The following RYR2 variants were observed in gnomAD, a reference collection of about 807,000 sequenced individuals.
RYR2 encodes the protein cardiac muscle ryanodine receptor-calcium release channel.
In RYR2, 227 loss-of-function variants were observed where a neutral mutation model predicts 601.1. That is an observed-to-expected ratio of 0.38 (90% CI 0.34 to 0.42). The LOEUF is 0.42. Ranked by LOEUF, RYR2 falls within the 10% of genes least tolerant of loss-of-function variation. The pLI is 1.00. For synonymous variants in RYR2, 2,223 were observed against 2,175.1 expected, an observed-to-expected ratio of 1.02 and a Z score of -0.61; for missense variants, 4,646 against 6,156.5, an observed-to-expected ratio of 0.75 and a Z score of 8.21.
At chr1:237,507,346 TTACAACTTAA>T (rs1344310077) in intron 23 of RYR2, among the ~76,000 whole-genome samples, 2 of 152,188 alleles carry the variant, frequency 1.3e-5, no homozygotes, top group African/African-American at 4.8e-5. Context: ...AGAGCTTAGT[TTACAACTTAA>T]TACAATTTAG....
intron 1 of RYR2, among the ~76,000 whole-genome samples, chr1:237,152,976 T>C (rs935366068): frequency 6.6e-6 from 1 of 152,080 alleles, no homozygotes; most frequent in African/African-American, 2.4e-5. Flanking sequence ...GAAAACCCCA[T>C]CAAAAAGTGG....
rs1553332386 is a variant in RYR2, at chr1:237,180,600, A to ATATATATG, written c.49-89875_49-89868dup. Among the ~76,000 whole-genome samples, 31 of 123,858 alleles carry ATATATATG rather than the reference A, an allele frequency of 2.5e-4. No homozygotes were observed. The highest frequency in any genetic ancestry group is 5.6e-4 in the South Asian group (2 of 3,578). The allele number at this position is 123,858 out of a possible 152,430, so 81.3% of individuals were successfully genotyped here. Reference sequence around the variant, plus strand: ...TGTGTGTATATATGTATATATAAGTATATATATGTATATATGTATATATGT... The same window carrying ATATATATG: ...TGTGTGTATATATGTATATATAAGTATATATATGTATATATGTATATATGTATATATGT... On this transcript the variant is annotated intron_variant, in intron 1 of 104. Coordinates refer to ENST00000366574, the MANE Select transcript of RYR2 (RefSeq NM_001035.3). The surrounding 1 kb of genome is among the most constrained non-coding windows in gnomAD (Gnocchi z 5.3).
intron 88 of RYR2, among the ~76,000 whole-genome samples, chr1:237,779,483 G>T (rs1201461387): frequency 3.9e-5 from 6 of 152,168 alleles, no homozygotes; most frequent in Admixed American, 3.9e-4. Context: ...CAGGCGGTCA[G>T]GTAGAAGAAT....
At chr1:237,500,948 C>A in intron 21 of RYR2, 45 bp downstream of exon 21, 2 of 1,540,422 alleles carry the variant, frequency 1.3e-6, no homozygotes, top group South Asian at 1.1e-5. Context: ...TCTCATTTCT[C>A]ATACCTCCAC....
At chr1:237,664,602 A>C (rs1684123465) in intron 56 of RYR2, among the ~76,000 whole-genome samples, 1 of 152,170 alleles carries the variant, frequency 6.6e-6, no homozygotes. Flanking sequence ...CCACAAGAAC[A>C]GTATGGAGGA....
chr1:237,688,701 T>C lies in RYR2; in HGVS notation c.9067+1197T>C, dbSNP rs138450558. On this transcript the variant is annotated intron_variant, in intron 63 of 104. Transcript: ENST00000366574. Reference sequence around the variant, plus strand: ...ACTTCTCTTCAACAGAGAAATATTTTCATGGGCTTATTCAGGCAGGATTTT... The same window carrying C: ...ACTTCTCTTCAACAGAGAAATATTTCCATGGGCTTATTCAGGCAGGATTTT... Among the ~76,000 whole-genome samples, 880 of 152,298 alleles carry C rather than the reference T, an allele frequency of 5.8e-3. 15 individuals are homozygous for C. The highest frequency in any genetic ancestry group is 0.035 in the Admixed American group (533 of 15,290).
chr1:237,663,323 A>G (rs1341219683), intron 56 of RYR2, among the ~76,000 whole-genome samples: 1 of 152,214 alleles, frequency 6.6e-6, no homozygotes, highest in Non-Finnish European at 1.5e-5. Flanking sequence ...TCTATCATGT[A>G]TAAACTCTTC....
At chr1:237,354,000 C>A (rs1699083613) in intron 3 of RYR2, among the ~76,000 whole-genome samples, 1 of 152,148 alleles carries the variant, frequency 6.6e-6, no homozygotes, top group South Asian at 2.1e-4. Flanking sequence ...TTCTTGTCAA[C>A]AAGAACAAGA....
At chr1:237,090,396 G>A (rs1053873222) in intron 1 of RYR2, among the ~76,000 whole-genome samples, 17 of 152,258 alleles carry the variant, frequency 1.1e-4, no homozygotes, top group African/African-American at 4.1e-4. Flanking sequence ...GATTACATGA[G>A]GGAGGCAGGG....
At chr1:237,766,498 G>A (rs141915718) in intron 84 of RYR2, among the ~76,000 whole-genome samples, 2 of 152,126 alleles carry the variant, frequency 1.3e-5, no homozygotes, top group Non-Finnish European at 2.9e-5. Flanking sequence ...CACAGTTAAA[G>A]AAATCCATCT....
intron 12 of RYR2, among the ~76,000 whole-genome samples, chr1:237,427,891 G>A (rs949915755): frequency 1.3e-5 from 2 of 150,798 alleles, no homozygotes; most frequent in Admixed American, 1.3e-4. Context: ...GATATTGCAT[G>A]GTATTGAAGA....
At chr1:237,246,065 C>T (rs775141175) in intron 1 of RYR2, among the ~76,000 whole-genome samples, 1 of 151,694 alleles carries the variant, frequency 6.6e-6, no homozygotes, top group Non-Finnish European at 1.5e-5. Flanking sequence ...CAGGCGTGAG[C>T]CACCACACCT....
At chr1:237,422,346 C>G (rs573545585) in intron 11 of RYR2, among the ~76,000 whole-genome samples, 80 of 152,158 alleles carry the variant, frequency 5.3e-4, no homozygotes, top group African/African-American at 1.8e-3. Context: ...TCATCTCAAA[C>G]GTTTATCATT....
chr1:237,099,178 G>A (rs1371618045), intron 1 of RYR2, among the ~76,000 whole-genome samples: 1 of 151,954 alleles, frequency 6.6e-6, no homozygotes, highest in Non-Finnish European at 1.5e-5. Flanking sequence ...CAGCTGGTCA[G>A]CAGAGGTTGC....
At chr1:237,188,619 G>A (rs994685873) in intron 1 of RYR2, among the ~76,000 whole-genome samples, 1 of 151,994 alleles carries the variant, frequency 6.6e-6, no homozygotes, top group African/African-American at 2.4e-5. Flanking sequence ...AGGCTGGAGT[G>A]CAGTGGCACG....
intron 3 of RYR2, among the ~76,000 whole-genome samples, chr1:237,354,007 A>G (rs983859445): frequency 1.3e-5 from 2 of 152,204 alleles, no homozygotes; most frequent in African/African-American, 2.4e-5. Flanking sequence ...CAACAAGAAC[A>G]AGAGACGTGT....
At position 237,792,140 on chromosome 1, in the gene RYR2, C is replaced by T; in HGVS notation, c.13599C>T (p.Leu4533=). The change falls in exon 94 of 105, where the codon CTC becomes CTT. Residue 4533 remains leucine, a synonymous_variant. Transcript: ENST00000366574. ...STSSVVEGKE[L]PTRSSSENAK... ...CTTCTGTGGTTGAAGGAAAGGAGCT[C>T]CCCACGAGAAGTTCAAGTGAAAATG... The T allele has an allele frequency of 6.2e-7, 1 of 1,606,688 alleles. No homozygotes were observed. The highest frequency in any genetic ancestry group is 8.5e-7 in the Non-Finnish European group (1 of 1,176,500).
chr1:237,468,152 C>T (rs550820106), intron 16 of RYR2, among the ~76,000 whole-genome samples: 3 of 152,284 alleles, frequency 2.0e-5, no homozygotes, highest in Non-Finnish European at 4.4e-5. Context: ...GCCACCACCC[C>T]TGGCCTACCA....
Position 237,638,119 on chromosome 1 carries a change from T to C in RYR2, c.6793-238T>C, listed in dbSNP as rs184623454. Among the ~76,000 whole-genome samples the C allele has an allele frequency of 1.7e-3, 256 of 149,464 alleles. 1 individual carries two copies. Among genetic ancestry groups the C allele is most frequent in the African/African-American group, 5.4e-3 (218 of 40,526 alleles). ...AGAGAGAGCTGAAAAAAAAAAAGCT[T>C]ATAGTAGGATCATAAATATTTTTAT... On this transcript the variant is annotated intron_variant, in intron 44 of 104. Transcript: ENST00000366574.
Sources: allele counts gnomAD v4.1 joint callset (sites outside exome capture counted in the v4.1 genomes callset), GRCh38; gene constraint gnomAD v4.1.1; non-coding constraint Gnocchi (gnomAD v3.1); transcripts MANE v1.5; gene names NCBI Gene and HGNC (gene_info 2026-07-23, HGNC 2026-07-21).